The following H2BC5 variants were observed in gnomAD, a reference collection of about 807,000 sequenced individuals.
The protein encoded by H2BC5 is H2B clustered histone 5.
In H2BC5, 9 loss-of-function variants were observed where a neutral mutation model predicts 5.7. The observed-to-expected ratio is 1.57, with a 90% CI of 0.95 to 2.74. The LOEUF (loss-of-function observed/expected upper bound fraction) is 2.74, where lower values mean the gene tolerates loss of function less well. Among genes scored for constraint, H2BC5 ranks in the 30% most tolerant of loss-of-function variants. The probability of loss-of-function intolerance (pLI) is 0.00; values close to 1 mark genes in which losing one functional copy is unlikely to be tolerated. For synonymous variants in H2BC5, 133 were observed against 70.9 expected, an observed-to-expected ratio of 1.88 and a Z score of -4.40; for missense variants, 175 against 168.8, an observed-to-expected ratio of 1.04 and a Z score of -0.20.
At chr6:26,164,632 G>C (rs929266844) in intron 1 of H2BC5, among the ~76,000 whole-genome samples, 1 of 151,466 alleles carries the variant, frequency 6.6e-6, no homozygotes, top group Non-Finnish European at 1.5e-5. Flanking sequence ...ATTATTGATA[G>C]TTCATCTGGA....
chr6:26,163,094 T>G (rs1764373905), downstream of H2BC5, among the ~76,000 whole-genome samples: 1 of 151,142 alleles, frequency 6.6e-6, no homozygotes, highest in African/African-American at 2.4e-5. Context: ...TTTCCATTTC[T>G]ATTTGCATAA....
chr6:26,158,228 C>G lies in H2BC5; in HGVS notation c.59C>G (p.Thr20Ser), dbSNP rs62623440. ...APKKGSKKAV[T>S]KAQKKDGKKR... The stretch of plus-strand genomic sequence containing the variant: ...AAGAAGGGCTCCAAGAAGGCGGTGA[C>G]TAAGGCTCAGAAGAAGGACGGGAAG... Residue 20 changes from threonine (T) to serine (S), a missense_variant, in exon 1 of 1, where the codon ACT becomes AGT. Thr to Ser is a moderately conservative substitution (Grantham distance 58). Transcript: ENST00000377777. The G allele has an allele frequency of 6.2e-7, 1 of 1,614,116 alleles. No individual in the cohort carries two copies. Among genetic ancestry groups the G allele is most frequent in the Non-Finnish European group, 8.5e-7 (1 of 1,180,054 alleles).
rs1348081917 is a variant in H2BC5 at position 26,171,276 on chromosome 6, A to G, written c.*311A>G. 3 of 152,220 alleles carry G rather than the reference A, an allele frequency of 2.0e-5. No homozygotes were observed. In the East Asian group the frequency reaches 5.8e-4, roughly 29 times the overall value. The allele number at this position is 152,220 out of a possible 1,614,324, so 9.4% of individuals were successfully genotyped here. On this transcript the variant is annotated 3_prime_UTR_variant, in exon 2 of 2. Transcript: ENST00000289316. ...TGCCATGGACTACCTTTGCTAAGAA[A>G]AGTCTGAATGAGAAGATGGCAGGAC...
At chr6:26,162,731 G>A (rs2113834927), downstream of H2BC5, among the ~76,000 whole-genome samples, 1 of 152,254 alleles carries the variant, frequency 6.6e-6, no homozygotes, top group South Asian at 2.1e-4. Context: ...TAGAGACAAG[G>A]TTTTGTTATG....
intron 1 of H2BC5, among the ~76,000 whole-genome samples, chr6:26,167,088 T>G (rs1157789529): frequency 1.4e-5 from 2 of 143,496 alleles, no homozygotes; most frequent in Non-Finnish European, 3.0e-5. Context: ...TGATAGGAGT[T>G]AATGTTGCAA....
Position 26,158,566 on chromosome 6 carries a change from A to C in H2BC5, c.*16A>C, listed in dbSNP as rs868462608. 1.9e-6 allele frequency: 3 copies of C among 1,613,750 alleles called. No individual in the cohort carries two copies. The highest frequency in any genetic ancestry group is 3.3e-5 in the Admixed American group (2 of 59,886). ...TTCCAAGTAACTTTGCCAAGTAAGCATCTTTACACCTAATCCCAAAGGCTC... is the reference window on the plus strand; with the variant it reads ...TTCCAAGTAACTTTGCCAAGTAAGCCTCTTTACACCTAATCCCAAAGGCTC... On this transcript the variant is annotated 3_prime_UTR_variant, in exon 1 of 1. Transcript: ENST00000377777.
intron 1 of H2BC5, among the ~76,000 whole-genome samples, chr6:26,166,650 CATAG>C (rs1764430702): frequency 6.8e-6 from 1 of 146,650 alleles, no homozygotes; most frequent in Non-Finnish European, 1.5e-5. Context: ...TTCATCTCAA[CATAG>C]ATTGGTGGTC....
At chr6:26,171,122 G>C (rs767783767) in exon 2 of H2BC5, 1 of 152,146 alleles carries the variant, frequency 6.6e-6, no homozygotes, top group Non-Finnish European at 1.5e-5. Flanking sequence ...CTGCACACTG[G>C]TTCATCAAAA....
chr6:26,159,003 C>T (rs918035033), downstream of H2BC5, among the ~76,000 whole-genome samples: 1 of 152,070 alleles, frequency 6.6e-6, no homozygotes, highest in Non-Finnish European at 1.5e-5. Context: ...AAATTTTTAC[C>T]ATGCAGATAT....
Position 26,168,042 on chromosome 6 carries a change from T to G in H2BC5, c.*10-2933T>G, listed in dbSNP as rs192418141. Among the ~76,000 whole-genome samples, 23 of 152,222 alleles carry G rather than the reference T, an allele frequency of 1.5e-4. 1 individual carries two copies. In the East Asian group the frequency reaches 4.2e-3, roughly 28 times the overall value. ...ATGAGCTTGTATTATAACATTAATA[T>G]TATTGAAGGTATCTGCTTTCCAGGC... On this transcript the variant is annotated intron_variant, in intron 1 of 1. Coordinates refer to the H2BC5 transcript ENST00000289316.
At chr6:26,158,771 T>G (rs1232797548), downstream of H2BC5, 2 of 687,460 alleles carry the variant, frequency 2.9e-6, no homozygotes, top group Non-Finnish European at 4.9e-6. Flanking sequence ...TGGGTACGTA[T>G]TAGATCGTTA....
At chr6:26,165,387 T>A (rs2113836479) in intron 1 of H2BC5, among the ~76,000 whole-genome samples, 1 of 152,204 alleles carries the variant, frequency 6.6e-6, no homozygotes, top group Middle Eastern at 3.4e-3. Context: ...GCCCAAGATA[T>A]CCTTGCTATT....
At chr6:26,166,119 T>G (rs967624466) in intron 1 of H2BC5, among the ~76,000 whole-genome samples, 1 of 152,226 alleles carries the variant, frequency 6.6e-6, no homozygotes, top group Non-Finnish European at 1.5e-5. Context: ...ACTCAGTGTC[T>G]TTGACCCTCC....
At chr6:26,166,445 C>T (rs761306036) in intron 1 of H2BC5, among the ~76,000 whole-genome samples, 2 of 152,252 alleles carry the variant, frequency 1.3e-5, no homozygotes, top group African/African-American at 2.4e-5. Flanking sequence ...CTTCAGGTCA[C>T]GCAGCCATGT....
At chr6:26,168,585 A>G (rs947814311) in intron 1 of H2BC5, among the ~76,000 whole-genome samples, 9 of 152,220 alleles carry the variant, frequency 5.9e-5, no homozygotes, top group Non-Finnish European at 1.3e-4. Context: ...GGATGTAAAA[A>G]GCATTTGTGC....
intron 1 of H2BC5, chr6:26,164,012 C>T: frequency 2.6e-6 from 1 of 391,168 alleles, no homozygotes; most frequent in Non-Finnish European, 5.1e-6. Context: ...TACACCCTTT[C>T]AGATAAGAAT....
intron 1 of H2BC5, among the ~76,000 whole-genome samples, chr6:26,169,166 A>G (rs1435172196): frequency 2.0e-5 from 3 of 152,230 alleles, no homozygotes; most frequent in Non-Finnish European, 4.4e-5. Flanking sequence ...AGATTAACAG[A>G]TTAACACTCA....
At chr6:26,164,196 GC>G in intron 1 of H2BC5, 1 of 434,266 alleles carries the variant, frequency 2.3e-6, no homozygotes, top group Non-Finnish European at 4.7e-6. Flanking sequence ...AGGGGTGAGG[GC>G]AGGAAGCAGT....
intron 1 of H2BC5, chr6:26,170,853 T>G (rs1764505341): frequency 6.6e-6 from 1 of 152,224 alleles, no homozygotes; most frequent in African/African-American, 2.4e-5. Context: ...AGAACTGAAG[T>G]AGAGATTCCT....
Sources: allele counts gnomAD v4.1 joint callset (sites outside exome capture counted in the v4.1 genomes callset), GRCh38; gene constraint gnomAD v4.1.1; transcripts MANE v1.5; gene names NCBI Gene and HGNC (gene_info 2026-07-23, HGNC 2026-07-21).